Variants in PPP1R12B observed in about 807,000 individuals in gnomAD.
The protein encoded by PPP1R12B is myosin phosphatase target subunit 2.
PPP1R12B carries 76 observed loss-of-function variants against 126.1 expected under a neutral mutation model. The observed-to-expected ratio is 0.60, with a 90% CI of 0.50 to 0.73. The LOEUF (loss-of-function observed/expected upper bound fraction) is 0.73, where lower values mean the gene tolerates loss of function less well. Ranked by LOEUF, PPP1R12B falls within the 30% of genes least tolerant of loss-of-function variation. The pLI, the probability that PPP1R12B is intolerant of heterozygous loss-of-function variation, is 0.00. For missense variants in PPP1R12B, 1,052 were observed against 1,205.1 expected (o/e 0.87, Z 1.88); for synonymous variants, 356 against 434.7 (o/e 0.82, Z 2.25).
intron 10 of PPP1R12B, chr1:202,438,621 C>T (rs369817490): frequency 9.5e-5 from 48 of 507,092 alleles, no homozygotes; most frequent in Non-Finnish European, 1.6e-4. Flanking sequence ...AGCCTGAGCC[C>T]GCCCCGTCCC....
intron 1 of PPP1R12B, among the ~76,000 whole-genome samples, chr1:202,350,859 G>C (rs957382589): frequency 2.6e-5 from 4 of 152,064 alleles, no homozygotes; most frequent in African/African-American, 9.7e-5. Context: ...GACCTCAGGA[G>C]ATCCACCCTC....
rs377664925 is a variant in PPP1R12B at position 202,524,571 on chromosome 1, C to T, written c.2490+27749C>T. On this transcript the variant is annotated intron_variant, in intron 18 of 23. Transcript: ENST00000608999. ...GTCCATTGTATCACTGACACCTTTT[C>T]GTCCTCATAGCTTAGCTCCCTCTTA... is the stretch of plus-strand genomic sequence containing the variant. Among the ~76,000 whole-genome samples the T allele has an allele frequency of 6.2e-4, 94 of 152,218 alleles. No individual in the cohort carries two copies. In the South Asian group the frequency reaches 0.011, roughly 18 times the overall value.
chr1:202,364,865 G>A (rs1223297843), intron 1 of PPP1R12B, among the ~76,000 whole-genome samples: 4 of 151,854 alleles, frequency 2.6e-5, no homozygotes, highest in Admixed American at 1.3e-4. Context: ...CGTGAGCCAC[G>A]GCGCCCGGCC....
chr1:202,501,274 T>C (rs1279562345), intron 18 of PPP1R12B, among the ~76,000 whole-genome samples: 4 of 152,218 alleles, frequency 2.6e-5, no homozygotes, highest in African/African-American at 9.6e-5. Flanking sequence ...TCACATAGAA[T>C]GTTTGCCCTG....
chr1:202,421,202 A>C (rs545486480), intron 2 of PPP1R12B, among the ~76,000 whole-genome samples: 4 of 150,634 alleles, frequency 2.7e-5, no homozygotes, highest in Admixed American at 2.6e-4. Context: ...TGATCTGCCC[A>C]CCTCAGCCTC....
intron 22 of PPP1R12B, 86 bp from the exon 23 acceptor site, chr1:202,569,061 C>A: frequency 7.0e-7 from 1 of 1,435,542 alleles, no homozygotes; most frequent in Non-Finnish European, 9.8e-7. Flanking sequence ...GACCGTGAAT[C>A]TGCTGATCAC....
chr1:202,438,793 A>G, intron 10 of PPP1R12B: 2 of 780,418 alleles, frequency 2.6e-6, no homozygotes, highest in Non-Finnish European at 4.6e-6. Context: ...GACGTCATCC[A>G]GGCCCTGGAT....
At chr1:202,501,427 C>G (rs770849977) in intron 18 of PPP1R12B, among the ~76,000 whole-genome samples, 3 of 152,140 alleles carry the variant, frequency 2.0e-5, no homozygotes, top group Non-Finnish European at 4.4e-5. Context: ...CCTGTTTGCT[C>G]TGGAGCTGTT....
chr1:202,475,816 G>C (rs1024080270), intron 13 of PPP1R12B, among the ~76,000 whole-genome samples: 2 of 151,900 alleles, frequency 1.3e-5, no homozygotes, highest in African/African-American at 4.8e-5. Context: ...CCGGCCCCCA[G>C]TAGCTATCCA....
At position 202,588,114 on chromosome 1, in the gene PPP1R12B, T is replaced by G. The variant is rs1004403583; in HGVS notation, c.*7554T>G. On this transcript the variant is annotated 3_prime_UTR_variant, in exon 24 of 24. Transcript: ENST00000608999. ...CACACTCAGACTTTGGCTTTATGGT[T>G]TTCCTTCCTCCTTGTCTTTGCCCTG... The G allele has an allele frequency of 6.6e-6, 1 of 152,622 alleles. No individual in the cohort carries two copies. The highest frequency in any genetic ancestry group is 1.5e-5 in the Non-Finnish European group (1 of 68,040). The allele number at this position is 152,622 out of a possible 1,614,324, so 9.5% of individuals were successfully genotyped here.
At chr1:202,390,263 A>G (rs1278821141) in intron 1 of PPP1R12B, among the ~76,000 whole-genome samples, 3 of 152,232 alleles carry the variant, frequency 2.0e-5, no homozygotes, top group African/African-American at 7.2e-5. Context: ...ACCTCACACC[A>G]TACAAAAGTT....
At position 202,473,848 on chromosome 1, in the gene PPP1R12B, G is replaced by A. The variant is rs1287886270; in HGVS notation, c.1851-14685G>A. 2.8e-5 allele frequency: 14 copies of A among 505,182 alleles called. No homozygotes were observed. The East Asian group carries it at 3.5e-4, about 13-fold the overall frequency. The allele number at this position is 505,182 out of a possible 1,614,324, so 31.3% of individuals were successfully genotyped here. ...CCTTTTCCAGTTTCCAAGGGAGACC[G>A]GGTGCTGAGACTGCAGTCTTTCCCA... On this transcript the variant is annotated intron_variant, in intron 13 of 23. Coordinates refer to ENST00000608999, the MANE Select transcript of PPP1R12B (RefSeq NM_002481.4).
At chr1:202,548,808 C>G (rs705749) in intron 18 of PPP1R12B, among the ~76,000 whole-genome samples, 1 of 72,992 alleles carries the variant, frequency 1.4e-5, no homozygotes, top group East Asian at 4.9e-4. Flanking sequence ...CTCTCTCTCT[C>G]TATATATATA....
At chr1:202,377,813 AG>A (rs1661441499) in intron 1 of PPP1R12B, among the ~76,000 whole-genome samples, 1 of 150,354 alleles carries the variant, frequency 6.7e-6, no homozygotes, top group Non-Finnish European at 1.5e-5. Flanking sequence ...AGCAGGAGAA[AG>A]AAAGGTCAAA....
In PPP1R12B at chr1:202,502,752, G is replaced by A. The variant is rs111627165; in HGVS notation, c.2490+5930G>A. 631 of 152,928 alleles carry A rather than the reference G, an allele frequency of 4.1e-3. 6 individuals are homozygous for A. The highest frequency in any genetic ancestry group is 0.015 in the African/African-American group (610 of 41,568). 9.5% of individuals were successfully genotyped at this position (152,928 alleles called of 1,614,324 possible). ...CATTATAAGTAGGGTGGTCAGGATA[G>A]GCCTTACTGAGAAAATATGATTTAA... On this transcript the variant is annotated intron_variant, in intron 18 of 23. Coordinates refer to ENST00000608999, the MANE Select transcript of PPP1R12B (RefSeq NM_002481.4).
In PPP1R12B at chr1:202,592,428, A is replaced by G. The variant is rs1453493491; in HGVS notation, c.*11868A>G. ...TGGGGCTGGGGAACAAAGACTTTAC[A>G]CGACATAAAATCAAAGGAGCAGCCT... On this transcript the variant is annotated 3_prime_UTR_variant, in exon 24 of 24. Coordinates refer to ENST00000608999, the MANE Select transcript of PPP1R12B (RefSeq NM_002481.4). The G allele has an allele frequency of 6.6e-6, 1 of 152,466 alleles. No individual in the cohort carries two copies. 9.4% of individuals were successfully genotyped at this position (152,466 alleles called of 1,614,324 possible). A position where few individuals can be genotyped will look rare whatever the true frequency, so the allele number is the denominator to read the frequency against.
chr1:202,434,837 CTT>C, intron 9 of PPP1R12B, 69 bp downstream of exon 9: 1 of 1,577,366 alleles, frequency 6.3e-7, no homozygotes, highest in South Asian at 1.2e-5. Context: ...CTAGAAAGGC[CTT>C]AAAGGTACAT....
At chr1:202,463,930 TTACTC>T (rs528400780) in intron 13 of PPP1R12B, among the ~76,000 whole-genome samples, 2 of 152,312 alleles carry the variant, frequency 1.3e-5, no homozygotes, top group South Asian at 4.1e-4. Context: ...TTGCGTCACT[TTACTC>T]AGGTAGAAAG....
intron 20 of PPP1R12B, 33 bp from the exon 21 acceptor site, chr1:202,564,410 G>T (rs371177456): frequency 1.3e-6 from 2 of 1,519,344 alleles, no homozygotes; most frequent in South Asian, 1.1e-5. Context: ...GTTCTAACGC[G>T]AACGCTGATC....
Sources: gnomAD v4.1 joint callset for allele counts (sites outside exome capture counted in the v4.1 genomes callset) on GRCh38, gnomAD v4.1.1 for gene constraint, MANE v1.5 for transcripts, NCBI Gene and HGNC (gene_info 2026-07-23, HGNC 2026-07-21) for gene names.